THOC2: variants seen among roughly 807,000 people sequenced by gnomAD.
The protein encoded by THOC2 is THO complex subunit 2.
In THOC2, 10 loss-of-function variants were observed where a neutral mutation model predicts 128.4. The observed-to-expected ratio is 0.08, with a 90% CI of 0.05 to 0.13. The LOEUF is 0.13. Among genes scored for constraint, THOC2 ranks in the 10% least tolerant of loss-of-function variants. The pLI is 1.00. For synonymous variants in THOC2, 393 were observed against 396.9 expected (o/e 0.99, Z 0.12); for missense variants, 535 against 1,155.7 (o/e 0.46, Z 7.79).
chrX:123,632,789 A>G, intron 21 of THOC2, 72 bp downstream of exon 21: 1 of 912,219 alleles, frequency 1.1e-6, no homozygotes, highest in Non-Finnish European at 1.5e-6. Context: ...ACATTTTTCA[A>G]ATTATAACAC....
intron 32 of THOC2, 162 bp from the exon 33 acceptor site, chrX:123,619,598 C>A: frequency 2.1e-6 from 1 of 478,133 alleles, no homozygotes; most frequent in Non-Finnish European, 3.5e-6. Context: ...TAAAAAAAAA[C>A]ATGTAATGGA....
chrX:123,621,134 C>T (rs754947770), intron 31 of THOC2, 23 bp downstream of exon 31: 12 of 1,184,942 alleles, frequency 1.0e-5, no homozygotes, highest in East Asian at 8.9e-5. Context: ...AACGTAAGAA[C>T]GTATAAAGAA....
intron 38 of THOC2, among the ~76,000 whole-genome samples, chrX:123,610,004 G>A (rs956439316): frequency 1.8e-5 from 2 of 110,130 alleles, no homozygotes; most frequent in African/African-American, 6.6e-5. Context: ...ACTCCAGCCT[G>A]GGCGACAGAG....
At chrX:123,705,281 A>G (rs1312657703) in intron 3 of THOC2, among the ~76,000 whole-genome samples, 1 of 111,731 alleles carries the variant, frequency 9.0e-6, no homozygotes, top group Non-Finnish European at 1.9e-5. Flanking sequence ...TGAACTATCC[A>G]TTTTCAATAA....
chrX:123,605,965 G>C (rs1422319876), intron 38 of THOC2, among the ~76,000 whole-genome samples: 2 of 111,326 alleles, frequency 1.8e-5, no homozygotes, highest in Non-Finnish European at 1.9e-5. Flanking sequence ...TATTCTAAAG[G>C]GGGGCAGCAC....
intron 1 of THOC2, among the ~76,000 whole-genome samples, chrX:123,727,504 C>T (rs1486044585): frequency 8.9e-6 from 1 of 112,275 alleles, no homozygotes; most frequent in East Asian, 2.8e-4. Flanking sequence ...ACTTTAATAT[C>T]GCTTAAAAAT....
chrX:123,697,230 C>T (rs1295405068), intron 5 of THOC2, among the ~76,000 whole-genome samples: 2 of 111,853 alleles, frequency 1.8e-5, no homozygotes, highest in East Asian at 2.8e-4. Context: ...GTCTCAACCA[C>T]GGCAGTTCTC....
chrX:123,668,281 G>A lies in THOC2; in HGVS notation c.895C>T (p.His299Tyr). 1 of 1,197,774 alleles carries A rather than the reference G, an allele frequency of 8.3e-7. No individual in the cohort carries two copies. The highest frequency in any genetic ancestry group is 1.1e-6 in the Non-Finnish European group (1 of 888,950). Residue 299 changes from histidine to tyrosine, a missense_variant, in exon 10 of 39, where the codon CAC becomes TAC. Around this residue, in one of 9 missense-constraint regions of THOC2, gnomAD observed 197 missense variants for 313.4 expected, o/e 0.63. Coordinates refer to ENST00000245838, the MANE Select transcript of THOC2 (RefSeq NM_001081550.2). ...LPADNCIMDE[H>Y]KREIAEAKQI... Reference sequence around the variant, plus strand: ...TTAGCTTCCGCAATTTCTCGTTTGTGTTCATCCATAATGCAATTATCAGCC... The same window carrying A: ...TTAGCTTCCGCAATTTCTCGTTTGTATTCATCCATAATGCAATTATCAGCC...
At chrX:123,694,656 A>T (rs929507480) in intron 7 of THOC2, among the ~76,000 whole-genome samples, 6 of 110,913 alleles carry the variant, frequency 5.4e-5, no homozygotes, top group Non-Finnish European at 9.5e-5. Context: ...GAAAGGAACT[A>T]AGGAACCACC....
chrX:123,609,958 G>A (rs887874145), intron 38 of THOC2, among the ~76,000 whole-genome samples: 2 of 110,690 alleles, frequency 1.8e-5, no homozygotes, highest in African/African-American at 3.3e-5. Context: ...GGACCTGGGC[G>A]GCAGAGGTTG....
chrX:123,626,832 T>C (rs954315255), intron 23 of THOC2, among the ~76,000 whole-genome samples, 170 bp from the exon 24 acceptor site: 1 of 112,191 alleles, frequency 8.9e-6, no homozygotes, highest in African/African-American at 3.2e-5. Flanking sequence ...CATAACACTG[T>C]CATGGCATCT....
intron 4 of THOC2, 50 bp downstream of exon 4, chrX:123,703,404 T>A: frequency 1.3e-6 from 1 of 791,756 alleles, no homozygotes; most frequent in East Asian, 3.4e-5. Context: ...TAACAAACAT[T>A]TGATTTACCA....
At chrX:123,610,789 C>T (rs1361798271) in intron 38 of THOC2, 129 bp downstream of exon 38, 12 of 512,007 alleles carry the variant, frequency 2.3e-5, no homozygotes, top group South Asian at 3.7e-5. Flanking sequence ...TACCCGAAGA[C>T]TTGGTCGTTA....
At chrX:123,610,065 A>G (rs1279479694) in intron 38 of THOC2, 1 of 110,266 alleles carries the variant, frequency 9.1e-6, no homozygotes, top group Non-Finnish European at 1.9e-5. Context: ...AGGCAGAATC[A>G]ACAGCCTCAA....
chrX:123,697,834 C>G, intron 4 of THOC2, 83 bp from the exon 5 acceptor site: 1 of 441,814 alleles, frequency 2.3e-6, no homozygotes, highest in Non-Finnish European at 3.8e-6. Flanking sequence ...TTATTTGAAA[C>G]TAACTAATTT....
At chrX:123,706,418 C>T (rs186385959) in intron 3 of THOC2, among the ~76,000 whole-genome samples, 3 of 110,123 alleles carry the variant, frequency 2.7e-5, no homozygotes, top group African/African-American at 9.9e-5. Context: ...ATGTGCACAA[C>T]GTGCAGGTTT....
At chrX:123,633,185 AG>A in intron 20 of THOC2, 145 bp from the exon 21 acceptor site, 1 of 391,785 alleles carries the variant, frequency 2.6e-6, no homozygotes. Context: ...AATTTATTTC[AG>A]TGACTATTAC....
chrX:123,624,467 C>G (rs1318301150), intron 26 of THOC2, 74 bp downstream of exon 26: 1 of 1,041,484 alleles, frequency 9.6e-7, no homozygotes, highest in East Asian at 3.1e-5. Flanking sequence ...TCTTTTAAAA[C>G]TCAACTATCT....
chrX:123,676,461 C>T (rs6648535), intron 8 of THOC2, among the ~76,000 whole-genome samples: 29,758 of 110,965 alleles, frequency 0.27, 3,119 homozygotes, highest in East Asian at 0.67. Context: ...ACAGCACTCT[C>T]AATTAACTTT....
Sources: allele counts gnomAD v4.1 joint callset (sites outside exome capture counted in the v4.1 genomes callset), GRCh38; gene constraint gnomAD v4.1.1; regional missense constraint gnomAD v4.1.1; transcripts MANE v1.5; gene names NCBI Gene and HGNC (gene_info 2026-07-23, HGNC 2026-07-21).